Variants in RCL1 observed in about 807,000 individuals in gnomAD.
RCL1 encodes RNA 3'-terminal phosphate cyclase-like protein.
RCL1 carries 24 observed loss-of-function variants against 42.4 expected under a neutral mutation model. The observed-to-expected ratio is 0.57, with a 90% confidence interval of 0.41 to 0.80. RCL1 has a LOEUF of 0.80. Among genes scored for constraint, RCL1 ranks in the 30% least tolerant of loss-of-function variants. RCL1 has a pLI of 0.00. For missense variants in RCL1, 578 were observed against 467.9 expected (o/e 1.24, Z -2.17); for synonymous variants, 228 against 177.3 (o/e 1.29, Z -2.27).
At chr9:4,823,422 G>T in intron 1 of RCL1, 126 bp from the exon 2 acceptor site, 1 of 654,004 alleles carries the variant, frequency 1.5e-6, no homozygotes, top group Non-Finnish European at 2.6e-6. Flanking sequence ...GGAAAGCCCA[G>T]GTGTGATGCA....
At chr9:4,859,898 C>G (rs369400866) in intron 8 of RCL1, among the ~76,000 whole-genome samples, 87 of 152,274 alleles carry the variant, frequency 5.7e-4, no homozygotes, top group African/African-American at 2.0e-3. Flanking sequence ...TTTCCCCCCC[C>G]AGTTTAATTT....
chr9:4,859,103 G>A (rs1818068401), intron 8 of RCL1, among the ~76,000 whole-genome samples: 1 of 152,188 alleles, frequency 6.6e-6, no homozygotes. Flanking sequence ...CTTATGGTCA[G>A]GCTAGCTGGG....
chr9:4,803,726 T>TA (rs374585672), intron 1 of RCL1: 233 of 145,780 alleles, frequency 1.6e-3, no homozygotes, highest in South Asian at 5.9e-3. Flanking sequence ...GTGTGAAAGG[T>TA]AAAAAAAAAA....
chr9:4,797,106 G>C (rs1842925366), intron 1 of RCL1, among the ~76,000 whole-genome samples: 1 of 152,156 alleles, frequency 6.6e-6, no homozygotes, highest in Middle Eastern at 3.2e-3. Flanking sequence ...TTCGCTATTA[G>C]CTCTTGGTCC....
intron 1 of RCL1, among the ~76,000 whole-genome samples, chr9:4,801,718 CTT>C (rs57255135): frequency 0.014 from 1,605 of 111,368 alleles, 21 homozygotes; most frequent in African/African-American, 0.045. Context: ...GGTTGCGATT[CTT>C]TTTTTTTTTT....
At chr9:4,842,669 C>T (rs545496210) in intron 6 of RCL1, among the ~76,000 whole-genome samples, 11 of 152,304 alleles carry the variant, frequency 7.2e-5, no homozygotes, top group Admixed American at 5.2e-4. Context: ...TTGCTTGTCA[C>T]ATGGTAAGTC....
intron 1 of RCL1, among the ~76,000 whole-genome samples, chr9:4,799,192 T>C (rs1231124365): frequency 6.6e-6 from 1 of 151,720 alleles, no homozygotes; most frequent in Non-Finnish European, 1.5e-5. Flanking sequence ...CAGAGTGATC[T>C]CAAACTACTG....
intron 1 of RCL1, among the ~76,000 whole-genome samples, chr9:4,820,427 C>T (rs964006197): frequency 6.6e-6 from 1 of 152,140 alleles, no homozygotes; most frequent in African/African-American, 2.4e-5. Context: ...TCTGAAGCAC[C>T]GGTTTGCCGT....
chr9:4,813,446 A>G (rs1816253260), intron 1 of RCL1, among the ~76,000 whole-genome samples: 1 of 152,258 alleles, frequency 6.6e-6, no homozygotes, highest in African/African-American at 2.4e-5. Flanking sequence ...AATGTTCATC[A>G]TCACTGGCCA....
chr9:4,848,517 G>A (rs909145329), intron 7 of RCL1, among the ~76,000 whole-genome samples: 1 of 152,166 alleles, frequency 6.6e-6, no homozygotes, highest in Admixed American at 6.5e-5. Context: ...GTCTAGCCTT[G>A]GATAGTAACG....
rs1817447918 is a variant in RCL1, at chr9:4,844,606, G to C, written c.792G>C (p.Gln264His). The C allele has an allele frequency of 1.9e-6, 3 of 1,614,066 alleles. No individual in the cohort carries two copies. Among genetic ancestry groups the C allele is most frequent in the Non-Finnish European group, 2.5e-6 (3 of 1,179,978 alleles). The change falls in exon 7 of 9, where the codon CAG becomes CAC. Residue 264 changes from glutamine (Q) to histidine (H), a missense_variant. Coordinates refer to ENST00000381750, the MANE Select transcript of RCL1 (RefSeq NM_005772.5). ...FLSAELASNP[Q>H]GQGAAVLPED... ...GTGCTGAACTGGCCTCCAACCCCCA[G>C]GGCCAGGGAGCAGCAGTACTTCCAG...
At chr9:4,855,499 T>C (rs1008516627) in intron 8 of RCL1, among the ~76,000 whole-genome samples, 2 of 152,154 alleles carry the variant, frequency 1.3e-5, no homozygotes, top group African/African-American at 4.8e-5. Flanking sequence ...TGTGGAGAGC[T>C]GTTGGGCTGT....
At chr9:4,838,758 T>C (rs1361902088) in intron 5 of RCL1, among the ~76,000 whole-genome samples, 6 of 152,202 alleles carry the variant, frequency 3.9e-5, no homozygotes, top group African/African-American at 1.4e-4. Context: ...TTCTGCAAGA[T>C]TGTGAGTATA....
At chr9:4,823,340 A>G (rs148028815) in intron 1 of RCL1, among the ~76,000 whole-genome samples, 35 of 151,006 alleles carry the variant, frequency 2.3e-4, no homozygotes, top group Admixed American at 2.3e-3. Flanking sequence ...AGTTCTACTA[A>G]ACATATATGT....
In RCL1 at chr9:4,841,243, G is replaced by A. The variant is rs1247346963; in HGVS notation, c.596G>A (p.Arg199His). ...KRIRGMAYSV[R>H]VSPQMANRIV... ...ACTCCAGGCTGCAGGTACTCTGTAC[G>A]TGTGTCACCTCAGATGGCGAACCGG... is the stretch of plus-strand genomic sequence containing the variant. The change falls in exon 6 of 9, where the codon CGT becomes CAT. Residue 199 changes from arginine (R) to histidine (H), a missense_variant. Arg to His is a conservative substitution (Grantham distance 29, BLOSUM62 0). Coordinates refer to ENST00000381750, the MANE Select transcript of RCL1 (RefSeq NM_005772.5). 16 of 1,613,802 alleles carry A rather than the reference G, an allele frequency of 9.9e-6. No homozygotes were observed. Among genetic ancestry groups the A allele is most frequent in the Admixed American group, 3.3e-5 (2 of 59,992 alleles).
At chr9:4,794,886 T>C (rs1842888898) in intron 1 of RCL1, among the ~76,000 whole-genome samples, 1 of 152,128 alleles carries the variant, frequency 6.6e-6, no homozygotes, top group African/African-American at 2.4e-5. Flanking sequence ...CTTGAAAGGG[T>C]GTCAGACGCT....
rs543566334 is a variant in RCL1 at position 4,809,391 on chromosome 9, C to T, written c.137-14157C>T. ...GTGGCAAGATCTTGGCTCACTGCAA[C>T]CTCCGCCTCCTGGATTCAAGCGATT... On this transcript the variant is annotated intron_variant, in intron 1 of 8. Coordinates refer to ENST00000381750, the MANE Select transcript of RCL1 (RefSeq NM_005772.5). Among the ~76,000 whole-genome samples the T allele has an allele frequency of 4.6e-5, 7 of 152,092 alleles. No individual in the cohort carries two copies. In the East Asian group the frequency reaches 1.2e-3, roughly 25 times the overall value.
At chr9:4,855,073 A>G (rs1416125739) in intron 8 of RCL1, among the ~76,000 whole-genome samples, 1 of 73,826 alleles carries the variant, frequency 1.4e-5, no homozygotes, top group African/African-American at 6.0e-5. Context: ...AAAAAAAAAA[A>G]TAGGAAAAGT....
intron 1 of RCL1, among the ~76,000 whole-genome samples, chr9:4,816,572 ATGT>A (rs1414927554): frequency 1.3e-5 from 2 of 152,170 alleles, no homozygotes; most frequent in African/African-American, 2.4e-5. Context: ...TATTTAATTA[ATGT>A]TGTTGTTTTC....
Sources: gnomAD v4.1 joint callset for allele counts (sites outside exome capture counted in the v4.1 genomes callset) on GRCh38, gnomAD v4.1.1 for gene constraint, MANE v1.5 for transcripts, NCBI Gene and HGNC (gene_info 2026-07-23, HGNC 2026-07-21) for gene names.